Variants in ARK2C observed in about 807,000 individuals in gnomAD.
ARK2C encodes arkadia (RNF111) C-terminal like ring finger ubiquitin ligase 2C.
At chr18:46,405,730 T>A in the ARK2C span, among the ~76,000 whole-genome samples, 1 of 152,064 alleles carries the variant, frequency 6.6e-6, no homozygotes, top group Non-Finnish European at 1.5e-5. Flanking sequence ...ATTTGGGCCA[T>A]CCAGGATGGG....
the ARK2C span, chr18:46,447,458 A>C: frequency 3.2e-6 from 4 of 1,235,670 alleles, no homozygotes; most frequent in Non-Finnish European, 4.7e-6. Flanking sequence ...CAGCTCTGGC[A>C]GGGTGTCACT....
At chr18:46,458,893 T>A in the ARK2C span, 1 of 152,158 alleles carries the variant, frequency 6.6e-6, no homozygotes, top group African/African-American at 2.4e-5. Flanking sequence ...AGCGTCCAAC[T>A]CAGTAGCTCC....
chr18:46,382,498 C>A, the ARK2C span, among the ~76,000 whole-genome samples: 1 of 152,292 alleles, frequency 6.6e-6, no homozygotes, highest in Middle Eastern at 3.4e-3. Flanking sequence ...TTTTAAAAAT[C>A]AATACATTCA....
chr18:46,433,544 G>T, the ARK2C span: 1 of 1,537,954 alleles, frequency 6.5e-7, no homozygotes, highest in Non-Finnish European at 8.8e-7. Flanking sequence ...ACCCGGATGG[G>T]GTCGGGTGAG....
At chr18:46,417,933 G>T in the ARK2C span, among the ~76,000 whole-genome samples, 5 of 152,134 alleles carry the variant, frequency 3.3e-5, no homozygotes, top group East Asian at 9.7e-4. Flanking sequence ...GAACCTGGGA[G>T]GTGGAGGTTG....
chr18:46,387,255 C>T, the ARK2C span, among the ~76,000 whole-genome samples: 1 of 152,138 alleles, frequency 6.6e-6, no homozygotes, highest in Non-Finnish European at 1.5e-5. Context: ...ATAACCAGGC[C>T]CCACCTCCAG....
At chr18:46,450,827 T>G in the ARK2C span, 1 of 1,552,152 alleles carries the variant, frequency 6.4e-7, no homozygotes, top group South Asian at 1.1e-5. Flanking sequence ...CCAGCCTGCA[T>G]AGTCAGGGAA....
At chr18:46,350,096 A>C in the ARK2C span, among the ~76,000 whole-genome samples, 2 of 152,200 alleles carry the variant, frequency 1.3e-5, no homozygotes, top group African/African-American at 4.8e-5. Context: ...CCCATGATAC[A>C]TACCCAGAGA....
chr18:46,370,735 G>T, the ARK2C span, among the ~76,000 whole-genome samples: 1 of 152,200 alleles, frequency 6.6e-6, no homozygotes, highest in Non-Finnish European at 1.5e-5. Context: ...CTCTCTGGGT[G>T]GCAAGACCCA....
the ARK2C span, among the ~76,000 whole-genome samples, chr18:46,374,062 G>A: frequency 9.9e-5 from 15 of 152,208 alleles, no homozygotes; most frequent in African/African-American, 3.6e-4. Flanking sequence ...CCAGGCTGGG[G>A]CATTCTTGTC....
At chr18:46,359,316 G>A in the ARK2C span, among the ~76,000 whole-genome samples, 4 of 152,270 alleles carry the variant, frequency 2.6e-5, no homozygotes, top group Non-Finnish European at 5.9e-5. Flanking sequence ...AACGATGAAC[G>A]TGACAAAGGG....
At chr18:46,430,555 A>G in the ARK2C span, among the ~76,000 whole-genome samples, 8 of 152,160 alleles carry the variant, frequency 5.3e-5, no homozygotes, top group African/African-American at 1.9e-4. Flanking sequence ...TTTTCTCCCT[A>G]TCATTTCCTC....
chr18:46,352,254 G>A, the ARK2C span, among the ~76,000 whole-genome samples: 1 of 152,032 alleles, frequency 6.6e-6, no homozygotes, highest in African/African-American at 2.4e-5. Context: ...AAATGGGAAG[G>A]CAGCCAGTAT....
At chr18:46,381,148 G>C in the ARK2C span, among the ~76,000 whole-genome samples, 1 of 152,264 alleles carries the variant, frequency 6.6e-6, no homozygotes, top group African/African-American at 2.4e-5. Context: ...CGGCAACGCT[G>C]TTCTGAAGCG....
chr18:46,348,804 A>C, the ARK2C span, among the ~76,000 whole-genome samples: 2 of 152,114 alleles, frequency 1.3e-5, no homozygotes, highest in Non-Finnish European at 2.9e-5. Flanking sequence ...AGCAAATTAA[A>C]GTCCCTGGTA....
the ARK2C span, among the ~76,000 whole-genome samples, chr18:46,373,146 A>C: frequency 6.6e-6 from 1 of 152,256 alleles, no homozygotes; most frequent in African/African-American, 2.4e-5. Context: ...ACACCCAGGT[A>C]AGCAGAAGGG....
the ARK2C span, among the ~76,000 whole-genome samples, chr18:46,431,403 T>C: frequency 6.6e-6 from 1 of 152,234 alleles, no homozygotes; most frequent in East Asian, 1.9e-4. Context: ...CATTATACAG[T>C]GGCCAGTTGG....
chr18:46,380,144 A>G, the ARK2C span, among the ~76,000 whole-genome samples: 3 of 152,150 alleles, frequency 2.0e-5, no homozygotes, highest in South Asian at 6.2e-4. Context: ...CTTCTTCTCC[A>G]TCTTCGTGTC....
At chr18:46,452,253 A>G in the ARK2C span, among the ~76,000 whole-genome samples, 1 of 152,190 alleles carries the variant, frequency 6.6e-6, no homozygotes, top group Non-Finnish European at 1.5e-5. Flanking sequence ...TATAGGGTAT[A>G]TGGGAAAACA....
Sources: gnomAD v4.1 joint callset for allele counts (sites outside exome capture counted in the v4.1 genomes callset) on GRCh38, gnomAD v4.1.1 for gene constraint, MANE v1.5 for transcripts, NCBI Gene and HGNC (gene_info 2026-07-23, HGNC 2026-07-21) for gene names.